FMN1: variants seen among roughly 807,000 people sequenced by gnomAD.
The protein encoded by FMN1 is formin-1.
In FMN1, 110 loss-of-function variants were observed where a neutral mutation model predicts 132.4. That is an observed-to-expected ratio of 0.83 (90% CI 0.71 to 0.97). FMN1 has a LOEUF of 0.97. FMN1 is among the 50% of genes least tolerant of loss of function. FMN1 has a pLI of 0.00. For missense variants in FMN1, 1,792 were observed against 1,705.3 expected, an observed-to-expected ratio of 1.05 and a Z score of -0.90; for synonymous variants, 722 against 651.7, an observed-to-expected ratio of 1.11 and a Z score of -1.64.
chr15:33,119,193 A>T (rs555184500), intron 4 of FMN1, among the ~76,000 whole-genome samples: 7 of 152,260 alleles, frequency 4.6e-5, no homozygotes, highest in African/African-American at 1.7e-4. Context: ...TGTTCAATGA[A>T]CACCCTTCTC....
chr15:33,075,786 A>C (rs1256225986), intron 5 of FMN1, among the ~76,000 whole-genome samples: 1 of 152,122 alleles, frequency 6.6e-6, no homozygotes, highest in Non-Finnish European at 1.5e-5. Context: ...TTGGGGAAGG[A>C]CTCTTCTGAG....
chr15:32,807,801 C>A (rs573709206), intron 17 of FMN1, among the ~76,000 whole-genome samples: 1 of 152,254 alleles, frequency 6.6e-6, no homozygotes, highest in South Asian at 2.1e-4. Context: ...GGGAAAAGGG[C>A]CTTCAGGAAA....
chr15:33,127,070 TC>T (rs1963153927), intron 4 of FMN1, among the ~76,000 whole-genome samples: 1 of 152,180 alleles, frequency 6.6e-6, no homozygotes, highest in Admixed American at 6.5e-5. Context: ...TCTGCTGTTT[TC>T]CAGGCACTGT....
intron 10 of FMN1, among the ~76,000 whole-genome samples, chr15:32,911,334 G>A (rs2060556836): frequency 6.9e-6 from 1 of 144,798 alleles, no homozygotes; most frequent in African/African-American, 2.5e-5. Flanking sequence ...AATAAGGTTT[G>A]TTCCCTCAAC....
At chr15:32,987,666 C>G (rs759400672) in intron 7 of FMN1, among the ~76,000 whole-genome samples, 4 of 152,074 alleles carry the variant, frequency 2.6e-5, no homozygotes, top group Non-Finnish European at 5.9e-5. Context: ...CTGCAGTTGC[C>G]AAGTATAAAA....
chr15:33,061,600 T>C (rs967697283), intron 6 of FMN1, among the ~76,000 whole-genome samples: 1 of 151,970 alleles, frequency 6.6e-6, no homozygotes, highest in African/African-American at 2.4e-5. Flanking sequence ...ATTTTAAGTT[T>C]TTCTAGAAGA....
intron 6 of FMN1, among the ~76,000 whole-genome samples, chr15:33,018,369 G>A (rs2035196120): frequency 1.3e-5 from 2 of 152,106 alleles, no homozygotes; most frequent in African/African-American, 2.4e-5. Flanking sequence ...CATGATTAGA[G>A]GGTTGGGACT....
intron 5 of FMN1, among the ~76,000 whole-genome samples, chr15:33,087,840 T>A (rs1241363131): frequency 6.6e-6 from 1 of 151,734 alleles, no homozygotes; most frequent in Non-Finnish European, 1.5e-5. Context: ...TACATATACA[T>A]ACACACACAT....
At chr15:33,115,264 G>A (rs2039873670) in intron 4 of FMN1, among the ~76,000 whole-genome samples, 1 of 152,138 alleles carries the variant, frequency 6.6e-6, no homozygotes, top group South Asian at 2.1e-4. Flanking sequence ...AGGGTGGGAG[G>A]CTAGGAGTCA....
intron 17 of FMN1, among the ~76,000 whole-genome samples, chr15:32,853,227 A>G (rs2059048632): frequency 6.6e-6 from 1 of 152,218 alleles, no homozygotes; most frequent in South Asian, 2.1e-4. Flanking sequence ...AAACAAAAAT[A>G]TCTTCTTTGC....
At chr15:33,123,661 T>C (rs1446712632) in intron 4 of FMN1, among the ~76,000 whole-genome samples, 1 of 152,202 alleles carries the variant, frequency 6.6e-6, no homozygotes, top group East Asian at 1.9e-4. Flanking sequence ...ATGCATGTTT[T>C]AACACAGATT....
chr15:32,860,572 G>T (rs2059246297), intron 16 of FMN1: 1 of 152,218 alleles, frequency 6.6e-6, no homozygotes, highest in Non-Finnish European at 1.5e-5. Flanking sequence ...AGGATCACCT[G>T]AACCCAGGGA....
intron 17 of FMN1, among the ~76,000 whole-genome samples, chr15:32,847,842 G>A (rs907218758): frequency 2.0e-5 from 3 of 152,078 alleles, no homozygotes; most frequent in Non-Finnish European, 4.4e-5. Flanking sequence ...GTGACAAAGC[G>A]AGACTCCATC....
chr15:32,866,218 AAAGTAT>A (rs1355203540), intron 16 of FMN1, among the ~76,000 whole-genome samples: 21 of 143,072 alleles, frequency 1.5e-4, no homozygotes, highest in Non-Finnish European at 3.1e-4. Context: ...CCTAGAACTT[AAAGTAT>A]AATAAAAAAA....
intron 17 of FMN1, among the ~76,000 whole-genome samples, chr15:32,845,958 A>C (rs1277011026): frequency 6.9e-6 from 1 of 144,576 alleles, no homozygotes; most frequent in African/African-American, 2.5e-5. Flanking sequence ...TTTTACAGAC[A>C]AGAAAAAAAA....
At chr15:32,878,381 C>G (rs551664755) in intron 16 of FMN1, among the ~76,000 whole-genome samples, 18 of 152,098 alleles carry the variant, frequency 1.2e-4, no homozygotes, top group African/African-American at 3.4e-4. Context: ...GTGACCTATG[C>G]GGCAGGTGGA....
chr15:32,882,862 A>C (rs904694021), intron 16 of FMN1, among the ~76,000 whole-genome samples: 1 of 152,212 alleles, frequency 6.6e-6, no homozygotes, highest in Non-Finnish European at 1.5e-5. Flanking sequence ...ACTTTCTTAA[A>C]TTCTCTTTGG....
rs965009546 is a variant in FMN1 at position 32,948,345 on chromosome 15, A to G, written c.3138+15762T>C. Among the ~76,000 whole-genome samples the G allele has an allele frequency of 2.6e-5, 4 of 151,936 alleles. No individual in the cohort carries two copies. In the East Asian group the frequency reaches 5.8e-4, roughly 22 times the overall value. The stretch of plus-strand genomic sequence containing the variant: ...TGCTAATATTCTGGTTAAGATCTTC[A>G]TATCTATATTTATGAGAGAAATTGT... On this transcript the variant is annotated intron_variant, in intron 9 of 20. Transcript: ENST00000616417.
intron 6 of FMN1, among the ~76,000 whole-genome samples, chr15:33,013,793 A>G (rs2034877540): frequency 6.6e-6 from 1 of 152,222 alleles, no homozygotes; most frequent in South Asian, 2.1e-4. Flanking sequence ...GCTTCTACAA[A>G]GTAGTCAAAG....
Sources: gnomAD v4.1 joint callset for allele counts (sites outside exome capture counted in the v4.1 genomes callset) on GRCh38, gnomAD v4.1.1 for gene constraint, MANE v1.5 for transcripts, NCBI Gene and HGNC (gene_info 2026-07-23, HGNC 2026-07-21) for gene names.